Variants in DNAH11 observed in about 807,000 individuals in gnomAD.
DNAH11 encodes the protein axonemal beta dynein heavy chain 11.
In DNAH11, 442 loss-of-function variants were observed where a neutral mutation model predicts 526.0. That is an observed-to-expected ratio of 0.84 (90% confidence interval 0.78 to 0.91). The LOEUF (loss-of-function observed/expected upper bound fraction) is 0.91. Among genes scored for constraint, DNAH11 ranks in the 40% least tolerant of loss-of-function variants. DNAH11 has a pLI of 0.00. For missense variants in DNAH11, 6,989 were observed against 5,448.7 expected, an observed-to-expected ratio of 1.28 and a Z score of -8.90; for synonymous variants, 2,461 against 1,935.9, an observed-to-expected ratio of 1.27 and a Z score of -7.12.
chr7:21,668,949 C>A (rs1284693756), intron 30 of DNAH11, among the ~76,000 whole-genome samples: 1 of 152,074 alleles, frequency 6.6e-6, no homozygotes, highest in Non-Finnish European at 1.5e-5. Context: ...GACAATGTAA[C>A]CGAATTTCAG....
chr7:21,620,102 T>C (rs750078612), intron 25 of DNAH11, 24 bp downstream of exon 25: 2 of 1,514,244 alleles, frequency 1.3e-6, no homozygotes, highest in East Asian at 2.4e-5. Context: ...TTTTATTGCA[T>C]ATATTTTTCA....
At position 21,588,172 on chromosome 7, in the gene DNAH11, A is replaced by G. The variant is rs1451275694; in HGVS notation, c.1819A>G (p.Lys607Glu). The G allele has an allele frequency of 6.2e-7, 1 of 1,613,056 alleles. No individual in the cohort carries two copies. Among genetic ancestry groups the G allele is most frequent in the Non-Finnish European group, 8.5e-7 (1 of 1,179,612 alleles). Residue 607 changes from lysine (K) to glutamate (E), a missense_variant, in exon 10 of 82, where the codon AAG becomes GAG. Lys to Glu is a moderately conservative substitution (Grantham distance 56). Coordinates refer to ENST00000409508, the MANE Select transcript of DNAH11 (RefSeq NM_001277115.2). ...GTTTAATACAGAGCTGGATGTGTGTAAGCAACTGTATAATGAACACATGAA... is the reference window on the plus strand; with the variant it reads ...GTTTAATACAGAGCTGGATGTGTGTGAGCAACTGTATAATGAACACATGAA... ...HMFNTELDVC[K>E]QLYNEHMKQI...
chr7:21,653,490 C>T (rs570373741), intron 28 of DNAH11, among the ~76,000 whole-genome samples: 39 of 152,258 alleles, frequency 2.6e-4, no homozygotes, highest in East Asian at 1.3e-3. Context: ...TCACCCAAGC[C>T]GTAATGTGTG....
At chr7:21,544,292 T>G (rs56688731) in intron 1 of DNAH11, among the ~76,000 whole-genome samples, 3,500 of 152,340 alleles carry the variant, frequency 0.023, 118 homozygotes, top group African/African-American at 0.068. Context: ...ATGCTCAGTT[T>G]AACATGTTAT....
At chr7:21,815,365 A>C (rs1348634819) in intron 63 of DNAH11, among the ~76,000 whole-genome samples, 1 of 152,236 alleles carries the variant, frequency 6.6e-6, no homozygotes, top group African/African-American at 2.4e-5. Flanking sequence ...GACTTGTTCA[A>C]TATCACTCGG....
At chr7:21,601,736 T>C in intron 18 of DNAH11, 118 bp downstream of exon 18, 1 of 695,618 alleles carries the variant, frequency 1.4e-6, no homozygotes, top group Non-Finnish European at 2.1e-6. Context: ...ACACATTTGA[T>C]GTTTTCAATT....
chr7:21,730,132 A>G (rs574504467), intron 45 of DNAH11, among the ~76,000 whole-genome samples: 5 of 152,332 alleles, frequency 3.3e-5, no homozygotes, highest in Admixed American at 2.6e-4. Context: ...CTGGGTATAT[A>G]TCCTAAGGAA....
chr7:21,880,170 A>G (rs1783863428), intron 74 of DNAH11, among the ~76,000 whole-genome samples: 1 of 152,146 alleles, frequency 6.6e-6, no homozygotes, highest in Non-Finnish European at 1.5e-5. Flanking sequence ...ATGACCTGGA[A>G]GTTATACACA....
chr7:21,746,223 C>G (rs1275462183), intron 51 of DNAH11, among the ~76,000 whole-genome samples: 1 of 152,106 alleles, frequency 6.6e-6, no homozygotes, highest in Non-Finnish European at 1.5e-5. Flanking sequence ...TCCAAGTCAC[C>G]TTCATCTGTC....
At chr7:21,590,835 TTAAG>T (rs1784646956) in intron 12 of DNAH11, 79 bp from the exon 13 acceptor site, 5 of 828,254 alleles carry the variant, frequency 6.0e-6, no homozygotes, top group Non-Finnish European at 8.6e-6. Context: ...GGATAACATC[TTAAG>T]TATTTCAAGT....
In DNAH11 at chr7:21,545,292, AAAAAGC is replaced by A. The variant is rs1281345823; in HGVS notation, c.495+144_495+149del. The stretch of plus-strand genomic sequence containing the variant: ...GGGTGGTTAAAAAAAAAAAAAAAAA[AAAAAGC>A]TTGTAGAAGCCAGGAGTCTCTAGCC... On this transcript the variant is annotated intron_variant, in intron 2 of 81. Coordinates refer to ENST00000409508, the MANE Select transcript of DNAH11 (RefSeq NM_001277115.2). The A allele has an allele frequency of 8.3e-5, 66 of 792,834 alleles. 2 individuals carry two copies. The African/African-American group carries it at 1.1e-3, about 13-fold the overall frequency. 49.1% of individuals were successfully genotyped at this position (792,834 alleles called of 1,614,324 possible).
intron 72 of DNAH11, among the ~76,000 whole-genome samples, chr7:21,868,408 A>G (rs138411932): frequency 4.6e-5 from 7 of 152,312 alleles, no homozygotes; most frequent in African/African-American, 1.7e-4. Context: ...CAAGAATACC[A>G]GGTTAATATA....
At chr7:21,607,085 C>T (rs924045396) in intron 20 of DNAH11, among the ~76,000 whole-genome samples, 4 of 152,148 alleles carry the variant, frequency 2.6e-5, no homozygotes, top group African/African-American at 9.7e-5. Context: ...CTCTGAGTCT[C>T]AAAACCTCAA....
rs1382336189 is a variant in DNAH11 at position 21,726,757 on chromosome 7, A to G, written c.7440+773A>G. 5.0e-5 allele frequency among the ~76,000 whole-genome samples: 7 copies of G among 141,000 alleles called. No homozygotes were observed. The East Asian group carries it at 1.4e-3, about 29-fold the overall frequency. The allele number at this position is 141,000 out of a possible 152,430, so 92.5% of individuals were successfully genotyped here. A position where few individuals can be genotyped will look rare whatever the true frequency, so the allele number is the denominator to read the frequency against. ...GCGCCTGTAGTCCCAGCTACTCGGG[A>G]GTCTGAGGCAGGAGAGTCGCTTGAA... On this transcript the variant is annotated intron_variant, in intron 45 of 81. Transcript: ENST00000409508.
rs183752007 is a variant in DNAH11 at position 21,552,513 on chromosome 7, A to G, written c.496-6289A>G. Among the ~76,000 whole-genome samples the G allele has an allele frequency of 1.9e-3, 287 of 152,244 alleles. No individual in the cohort carries two copies. In the Middle Eastern group the frequency reaches 0.02, roughly 11 times the overall value. On this transcript the variant is annotated intron_variant, in intron 2 of 81. Transcript: ENST00000409508. Reference sequence around the variant, plus strand: ...TGCAATTTGTTCTTAGAGACTTGCAATCTCCATTCGTCTATGAAATTAAGT... The same window carrying G: ...TGCAATTTGTTCTTAGAGACTTGCAGTCTCCATTCGTCTATGAAATTAAGT...
In DNAH11 at chr7:21,873,091, C is replaced by CTTT. The variant is rs911956193; in HGVS notation, c.11968-172_11968-170dup. Among the ~76,000 whole-genome samples the CTTT allele has an allele frequency of 3.8e-3, 511 of 132,980 alleles. 3 individuals carry two copies. The highest frequency in any genetic ancestry group is 0.013 in the African/African-American group (490 of 36,934). The allele number at this position is 132,980 out of a possible 152,430, so 87.2% of individuals were successfully genotyped here. A position where few individuals can be genotyped will look rare whatever the true frequency, so the allele number is the denominator to read the frequency against. ...TGTTCAAGGTTCAATTCCCTTTTGG[C>CTTT]TTTTTTTTTTTTTGATGTATTGATG... On this transcript the variant is annotated intron_variant, in intron 73 of 81. Coordinates refer to ENST00000409508, the MANE Select transcript of DNAH11 (RefSeq NM_001277115.2).
At chr7:21,859,310 C>T (rs1198243775) in intron 68 of DNAH11, among the ~76,000 whole-genome samples, 1 of 152,108 alleles carries the variant, frequency 6.6e-6, no homozygotes, top group Non-Finnish European at 1.5e-5. Context: ...GATGGGGTTT[C>T]ACCATGTTGG....
chr7:21,668,019 A>G (rs557637553), intron 30 of DNAH11, among the ~76,000 whole-genome samples: 15 of 152,182 alleles, frequency 9.9e-5, no homozygotes, highest in Non-Finnish European at 1.9e-4. Flanking sequence ...GTTCTGGAAT[A>G]TAAACAGAGA....
chr7:21,649,213 A>G (rs1372646130), intron 28 of DNAH11, among the ~76,000 whole-genome samples: 9 of 152,234 alleles, frequency 5.9e-5, no homozygotes, highest in Non-Finnish European at 2.9e-5. Context: ...TAGTACAACT[A>G]CTTGGGAAAA....
Sources: allele counts gnomAD v4.1 joint callset (sites outside exome capture counted in the v4.1 genomes callset), GRCh38; gene constraint gnomAD v4.1.1; transcripts MANE v1.5; gene names NCBI Gene and HGNC (gene_info 2026-07-23, HGNC 2026-07-21).